Variants in ABAT observed in about 807,000 individuals in gnomAD.
ABAT encodes 4-aminobutyrate aminotransferase, mitochondrial.
In ABAT, 45 loss-of-function variants were observed where a neutral mutation model predicts 64.6. The ratio of observed to expected loss-of-function variants is 0.70; its 90% confidence interval spans 0.55 to 0.89. The LOEUF (loss-of-function observed/expected upper bound fraction) is 0.89, where lower values mean the gene tolerates loss of function less well. Among genes scored for constraint, ABAT ranks in the 40% least tolerant of loss-of-function variants. The pLI is 0.00. For missense variants in ABAT, 633 were observed against 658.4 expected, an observed-to-expected ratio of 0.96 and a Z score of 0.42; for synonymous variants, 297 against 250.5, an observed-to-expected ratio of 1.19 and a Z score of -1.75.
intron 8 of ABAT, among the ~76,000 whole-genome samples, chr16:8,765,596 T>C (rs796127918): frequency 5.9e-5 from 9 of 151,676 alleles, no homozygotes; most frequent in African/African-American, 1.9e-4. Context: ...GCCTGGGAGG[T>C]CGAGGCTGCA....
intron 1 of ABAT, among the ~76,000 whole-genome samples, chr16:8,732,936 C>T (rs2058781797): frequency 6.7e-6 from 1 of 150,372 alleles, no homozygotes; most frequent in East Asian, 2.0e-4. Flanking sequence ...GGCTGACCCC[C>T]CTACCTCCCT....
chr16:8,768,436 G>C (rs1169513548), intron 10 of ABAT, among the ~76,000 whole-genome samples, 180 bp downstream of exon 10: 1 of 152,182 alleles, frequency 6.6e-6, no homozygotes, highest in Non-Finnish European at 1.5e-5. Flanking sequence ...TTCAGGAAGA[G>C]GAAGAATTTC....
chr16:8,710,235 A>C lies in ABAT; in HGVS notation c.-41-25464A>C, dbSNP rs76282974. Among the ~76,000 whole-genome samples, 1,289 of 152,342 alleles carry C rather than the reference A, an allele frequency of 8.5e-3. 9 individuals are homozygous for C. Among genetic ancestry groups the C allele is most frequent in the Middle Eastern group, 0.014 (4 of 294 alleles). ...GTACTTAGCTCAGTCCTAGGCACAAAATAGGTGCTCAAACACAAATAAAGG... is the reference window on the plus strand; with the variant it reads ...GTACTTAGCTCAGTCCTAGGCACAACATAGGTGCTCAAACACAAATAAAGG... On this transcript the variant is annotated intron_variant, in intron 1 of 15. Coordinates refer to ENST00000268251, the MANE Select transcript of ABAT (RefSeq NM_020686.6).
intron 1 of ABAT, among the ~76,000 whole-genome samples, chr16:8,721,926 C>T (rs1256881327): frequency 1.3e-5 from 2 of 152,222 alleles, no homozygotes; most frequent in African/African-American, 4.8e-5. Flanking sequence ...AGGGTTTTGA[C>T]TTGTTTTGAC....
chr16:8,757,953 C>CACAT, intron 6 of ABAT, 147 bp downstream of exon 6: 2 of 972,948 alleles, frequency 2.1e-6, no homozygotes, highest in Non-Finnish European at 3.2e-6. Flanking sequence ...AGGTATGTGG[C>CACAT]ATGCCTTGAT....
intron 3 of ABAT, among the ~76,000 whole-genome samples, chr16:8,746,530 A>G (rs192170103): frequency 1.5e-4 from 23 of 151,900 alleles, no homozygotes; most frequent in African/African-American, 5.5e-4. Flanking sequence ...TTAGGCACGC[A>G]CCACCACGCC....
chr16:8,755,026 TGTTA>T (rs1355476569), intron 5 of ABAT, among the ~76,000 whole-genome samples: 1 of 152,236 alleles, frequency 6.6e-6, no homozygotes, highest in Non-Finnish European at 1.5e-5. Flanking sequence ...CGAGAATTTC[TGTTA>T]GTTACTGGCT....
intron 1 of ABAT, among the ~76,000 whole-genome samples, chr16:8,726,475 C>T (rs1401121603): frequency 6.6e-6 from 1 of 151,922 alleles, no homozygotes; most frequent in African/African-American, 2.4e-5. Context: ...GCCAGGCTGG[C>T]CTCATGGGAT....
At chr16:8,709,471 T>C (rs2058022579) in intron 1 of ABAT, among the ~76,000 whole-genome samples, 1 of 152,102 alleles carries the variant, frequency 6.6e-6, no homozygotes, top group African/African-American at 2.4e-5. Context: ...CCTCCTGGGT[T>C]CAAGCGATTC....
rs189918885 is a variant in ABAT, at chr16:8,687,719, C to T, written c.-42+13008C>T. Among the ~76,000 whole-genome samples, 154 of 152,284 alleles carry T rather than the reference C, an allele frequency of 1.0e-3. No individual in the cohort carries two copies. The Middle Eastern group carries it at 0.01, about 10-fold the overall frequency. ...GGCCTGTGTCTTAGACCTGTGAGAT[C>T]AGGGGAAAGTCCTGAGTCTGGAAAG... On this transcript the variant is annotated intron_variant, in intron 1 of 15. Transcript: ENST00000268251.
At chr16:8,681,698 G>A (rs918128077) in intron 1 of ABAT, among the ~76,000 whole-genome samples, 3 of 150,244 alleles carry the variant, frequency 2.0e-5, no homozygotes, top group Non-Finnish European at 4.4e-5. Flanking sequence ...CTGGGGTGCA[G>A]TGGTGCAATC....
intron 1 of ABAT, among the ~76,000 whole-genome samples, chr16:8,729,552 C>G (rs1640990): frequency 0.99 from 150,070 of 152,236 alleles, 74,010 homozygotes; most frequent in Middle Eastern, 1. Context: ...AGGCACCATG[C>G]CTCATGCCTA....
Position 8,728,408 on chromosome 16 carries a change from G to A in ABAT, c.-41-7291G>A, listed in dbSNP as rs545587368. On this transcript the variant is annotated intron_variant, in intron 1 of 15. Transcript: ENST00000268251. ...CTGAGACATTCGGAGTTTCAAAAACGTGTTTAATGGAAATTGAATTGTGTG... is the reference window on the plus strand; with the variant it reads ...CTGAGACATTCGGAGTTTCAAAAACATGTTTAATGGAAATTGAATTGTGTG... Among the ~76,000 whole-genome samples the A allele has an allele frequency of 3.3e-4, 51 of 152,284 alleles. No individual in the cohort carries two copies. In the South Asian group the frequency reaches 7.7e-3, roughly 23 times the overall value.
At chr16:8,681,663 A>G (rs2057337537) in intron 1 of ABAT, among the ~76,000 whole-genome samples, 1 of 135,382 alleles carries the variant, frequency 7.4e-6, no homozygotes, top group East Asian at 2.1e-4. Context: ...TTTTTTTGAG[A>G]TGGAGTCTTG....
intron 1 of ABAT, among the ~76,000 whole-genome samples, chr16:8,698,469 GA>G (rs1416714834): frequency 6.6e-6 from 1 of 152,048 alleles, no homozygotes; most frequent in East Asian, 1.9e-4. Context: ...AAGTAGCTGG[GA>G]TTACAGGCAC....
intron 1 of ABAT, among the ~76,000 whole-genome samples, chr16:8,688,147 T>A (rs2141958361): frequency 6.6e-6 from 1 of 152,238 alleles, no homozygotes; most frequent in East Asian, 1.9e-4. Context: ...CAAGCAATCC[T>A]CCCAAAGTGC....
chr16:8,698,972 A>G (rs994532820), intron 1 of ABAT, among the ~76,000 whole-genome samples: 1 of 152,092 alleles, frequency 6.6e-6, no homozygotes, highest in Non-Finnish European at 1.5e-5. Context: ...CAAACAAAAA[A>G]TAAGTAGTGC....
At position 8,774,936 on chromosome 16, in the gene ABAT, G is replaced by T. The variant is rs751107041; in HGVS notation, c.1001G>T (p.Cys334Phe). 1 of 1,614,192 alleles carries T rather than the reference G, an allele frequency of 6.2e-7. No individual in the cohort carries two copies. Among genetic ancestry groups the T allele is most frequent in the Non-Finnish European group, 8.5e-7 (1 of 1,180,030 alleles). ...GACGAGGTCCAGACCGGAGGAGGCTGCACGGGCAAGTTCTGGGCCCATGAG... is the reference window on the plus strand; with the variant it reads ...GACGAGGTCCAGACCGGAGGAGGCTTCACGGGCAAGTTCTGGGCCCATGAG... Reference protein sequence around the residue: ...LVDEVQTGGGCTGKFWAHEHW... With the variant: ...LVDEVQTGGGFTGKFWAHEHW... Residue 334 changes from cysteine to phenylalanine, a missense_variant, in exon 13 of 16, where the codon TGC becomes TTC. Transcript: ENST00000268251.
intron 1 of ABAT, among the ~76,000 whole-genome samples, chr16:8,719,746 G>A (rs2058312672): frequency 6.6e-6 from 1 of 151,952 alleles, no homozygotes; most frequent in Admixed American, 6.6e-5. Flanking sequence ...AAAAAAAGAA[G>A]AAGAAAGAAG....
Sources: allele counts gnomAD v4.1 joint callset (sites outside exome capture counted in the v4.1 genomes callset), GRCh38; gene constraint gnomAD v4.1.1; transcripts MANE v1.5; gene names NCBI Gene and HGNC (gene_info 2026-07-23, HGNC 2026-07-21).